The following FBXO38 variants were observed in gnomAD, a reference collection of about 807,000 sequenced individuals.
FBXO38 encodes F-box protein 38.
In FBXO38, 53 loss-of-function variants were observed where a neutral mutation model predicts 131.9. The observed-to-expected ratio is 0.40, with a 90% CI of 0.32 to 0.51. The LOEUF (loss-of-function observed/expected upper bound fraction) is 0.51. Ranked by LOEUF, FBXO38 falls within the 20% of genes least tolerant of loss-of-function variation. The pLI is 0.53. For missense variants in FBXO38, 1,076 were observed against 1,475.6 expected (o/e 0.73, Z 4.44); for synonymous variants, 452 against 505.6 (o/e 0.89, Z 1.42).
chr5:148,392,085 G>A (rs1454426381), intron 1 of FBXO38, among the ~76,000 whole-genome samples: 1 of 152,156 alleles, frequency 6.6e-6, no homozygotes, highest in African/African-American at 2.4e-5. Flanking sequence ...ATAGAGTATA[G>A]CATGGTAAGC....
At chr5:148,440,599 G>C (rs1176501591) in intron 20 of FBXO38, 72 bp downstream of exon 20, 2 of 885,200 alleles carry the variant, frequency 2.3e-6, no homozygotes, top group Admixed American at 5.4e-5. Context: ...CAGCGACTCA[G>C]GAGGCTGAGG....
At chr5:148,389,457 T>G (rs1014763451) in intron 1 of FBXO38, among the ~76,000 whole-genome samples, 1 of 152,238 alleles carries the variant, frequency 6.6e-6, no homozygotes, top group Non-Finnish European at 1.5e-5. Flanking sequence ...GCTCCATGAC[T>G]TCTCAGCAAG....
At chr5:148,409,493 A>G (rs1752631759) in intron 8 of FBXO38, among the ~76,000 whole-genome samples, 1 of 152,234 alleles carries the variant, frequency 6.6e-6, no homozygotes. Context: ...GAAATGGCTG[A>G]GAGTCCAATA....
At chr5:148,422,894 A>C (rs529922193) in intron 12 of FBXO38, among the ~76,000 whole-genome samples, 61 of 152,316 alleles carry the variant, frequency 4.0e-4, no homozygotes, top group African/African-American at 1.3e-3. Context: ...TCTGGGGCCC[A>C]GGCTACCTTT....
chr5:148,414,131 T>A lies in FBXO38; in HGVS notation c.1094-5T>A, dbSNP rs1219753617. The A allele has an allele frequency of 6.3e-7, 1 of 1,590,486 alleles. No homozygotes were observed. Among genetic ancestry groups the A allele is most frequent in the African/African-American group, 1.4e-5 (1 of 73,144 alleles). On this transcript the variant is annotated splice_polypyrimidine_tract_variant and splice_region_variant and intron_variant, in intron 9 of 21. Coordinates refer to ENST00000340253, the MANE Select transcript of FBXO38 (RefSeq NM_205836.3). ...TTTTTTTTTTTAATTGATTGCTCTT[T>A]TTAGGCAGAATGGCTAATGCGGATC...
rs752507435 is a variant in FBXO38 at position 148,426,105 on chromosome 5, T to C, written c.1918+404T>C. ...TGAATATTGGTGGCTAGTTTGGTGC[T>C]GGAAGGAGTCCTAAAGCATATTTTT... On this transcript the variant is annotated intron_variant, in intron 14 of 21. Coordinates refer to ENST00000340253, the MANE Select transcript of FBXO38 (RefSeq NM_205836.3). Among the ~76,000 whole-genome samples, 4 of 152,216 alleles carry C rather than the reference T, an allele frequency of 2.6e-5. No homozygotes were observed. The South Asian group carries it at 6.2e-4, about 24-fold the overall frequency.
rs1347351409 is a variant in FBXO38 at position 148,438,364 on chromosome 5, G to A, written c.2890G>A (p.Val964Ile). The change falls in exon 18 of 22, where the codon GTA (valine) becomes ATA (isoleucine). Residue 964 changes from valine to isoleucine, a missense_variant. By Grantham distance (29) the Val-to-Ile change is conservative. Around this residue, in one of 8 missense-constraint regions of FBXO38, gnomAD observed 282 missense variants for 418.8 expected, o/e 0.67. Coordinates refer to ENST00000340253, the MANE Select transcript of FBXO38 (RefSeq NM_205836.3). ...TRCRVLKHLK[V>I]ENAPIVNRFD... ...GTGCAGGGTACTAAAACATTTAAAG[G>A]TAGAAAATGCACCAATTGTAAACCG... is the stretch of plus-strand genomic sequence containing the variant. The A allele has an allele frequency of 6.2e-7, 1 of 1,613,844 alleles. No homozygotes were observed. Among genetic ancestry groups the A allele is most frequent in the East Asian group, 2.2e-5 (1 of 44,872 alleles).
intron 1 of FBXO38, 38 bp from the exon 2 acceptor site, chr5:148,394,676 G>A: frequency 9.0e-7 from 1 of 1,108,446 alleles, no homozygotes. Context: ...AGTAGGGGGT[G>A]TGTTTTTTTA....
chr5:148,391,116 C>G (rs1467244897), intron 1 of FBXO38, among the ~76,000 whole-genome samples: 3 of 152,158 alleles, frequency 2.0e-5, no homozygotes, highest in East Asian at 3.9e-4. Flanking sequence ...AGGTGTGTCA[C>G]TGCAGTAAAA....
chr5:148,425,982 C>T (rs559831533), intron 14 of FBXO38, among the ~76,000 whole-genome samples: 7 of 152,140 alleles, frequency 4.6e-5, no homozygotes, highest in Admixed American at 1.3e-4. Flanking sequence ...GATTAGTGAG[C>T]GAAAAGCCTG....
chr5:148,422,678 C>T (rs909609863), intron 12 of FBXO38, among the ~76,000 whole-genome samples: 1 of 152,144 alleles, frequency 6.6e-6, no homozygotes, highest in Non-Finnish European at 1.5e-5. Flanking sequence ...ATCGTTTAAA[C>T]AACTTTTGGG....
intron 10 of FBXO38, 70 bp downstream of exon 10, chr5:148,414,376 T>C: frequency 7.8e-7 from 1 of 1,277,200 alleles, no homozygotes; most frequent in South Asian, 1.5e-5. Context: ...ATGTTTTCTA[T>C]GTGTGATATG....
intron 1 of FBXO38, among the ~76,000 whole-genome samples, chr5:148,393,601 C>T (rs1043262463): frequency 6.1e-4 from 93 of 152,194 alleles, no homozygotes; most frequent in Non-Finnish European, 4.1e-4. Flanking sequence ...CAGTTATCTC[C>T]GTGTGCAATT....
chr5:148,386,166 G>GCA (rs1757903513), intron 1 of FBXO38, among the ~76,000 whole-genome samples: 1 of 152,182 alleles, frequency 6.6e-6, no homozygotes, highest in East Asian at 1.9e-4. Flanking sequence ...GGTGAAGGTA[G>GCA]GGTGTGGTCA....
In FBXO38 at chr5:148,442,311, C is replaced by T. The variant is rs1388575374; in HGVS notation, c.*164C>T. ...TCGAAATTGTATACAAAGATTTGTA[C>T]ATAAAAAATATACAAAGACGCTTCC... On this transcript the variant is annotated 3_prime_UTR_variant, in exon 22 of 22. Coordinates refer to ENST00000340253, the MANE Select transcript of FBXO38 (RefSeq NM_205836.3). The T allele has an allele frequency of 5.6e-5, 26 of 460,618 alleles. No homozygotes were observed. The Admixed American group carries it at 1.0e-3, about 18-fold the overall frequency. 28.5% of individuals were successfully genotyped at this position (460,618 alleles called of 1,614,324 possible). A position where few individuals can be genotyped will look rare whatever the true frequency, so the allele number is the denominator to read the frequency against.
chr5:148,419,819 T>C (rs1186436382), intron 12 of FBXO38, among the ~76,000 whole-genome samples: 1 of 152,164 alleles, frequency 6.6e-6, no homozygotes, highest in African/African-American at 2.4e-5. Flanking sequence ...CCAGTCTTTA[T>C]TGCTGTATTG....
At chr5:148,427,998 G>C in intron 15 of FBXO38, 51 bp downstream of exon 15, 1 of 1,423,002 alleles carries the variant, frequency 7.0e-7, no homozygotes, top group Non-Finnish European at 9.2e-7. Flanking sequence ...CTGCAGAAAG[G>C]CATGAACTTG....
At chr5:148,384,868 A>C (rs1364870006) in intron 1 of FBXO38, 1 of 152,226 alleles carries the variant, frequency 6.6e-6, no homozygotes, top group East Asian at 1.9e-4. Context: ...AATCACTACA[A>C]AGTGAAAAAC....
At chr5:148,396,639 A>C (rs958347765) in intron 2 of FBXO38, among the ~76,000 whole-genome samples, 4 of 152,166 alleles carry the variant, frequency 2.6e-5, no homozygotes, top group African/African-American at 9.6e-5. Flanking sequence ...ACAATATATA[A>C]TATGTATATA....
Sources: gnomAD v4.1 joint callset for allele counts (sites outside exome capture counted in the v4.1 genomes callset) on GRCh38, gnomAD v4.1.1 for gene constraint, gnomAD v4.1.1 regional missense constraint, MANE v1.5 for transcripts, NCBI Gene and HGNC (gene_info 2026-07-23, HGNC 2026-07-21) for gene names.